The following PASK variants were observed in gnomAD, a reference collection of about 807,000 sequenced individuals.
PASK encodes PAS domain-containing serine/threonine-protein kinase.
In PASK, 110 loss-of-function variants were observed where a neutral mutation model predicts 121.0. That is an observed-to-expected ratio of 0.91 (90% CI 0.78 to 1.06). PASK has a LOEUF of 1.06. Among genes scored for constraint, PASK ranks in the 50% least tolerant of loss-of-function variants. PASK has a pLI of 0.00. For missense variants in PASK, 1,643 were observed against 1,702.3 expected, an observed-to-expected ratio of 0.97 and a Z score of 0.61; for synonymous variants, 686 against 717.8, an observed-to-expected ratio of 0.96 and a Z score of 0.71.
chr2:241,126,544 CACACGA>C lies in PASK; in HGVS notation c.2365_2370del (p.Ser789_Cys790del). 1.2e-6 allele frequency: 2 copies of C among 1,614,232 alleles called. No homozygotes were observed. Among genetic ancestry groups the C allele is most frequent in the Non-Finnish European group, 1.7e-6 (2 of 1,180,016 alleles). ...AGTAACAGCTCCCTGTCATCCAGGA[CACACGA>C]CCCCTGTTCCTGGAGACTGCCTACA... On this transcript the variant is annotated inframe_deletion, in exon 10 of 18. Transcript: ENST00000234040.
intron 9 of PASK, among the ~76,000 whole-genome samples, chr2:241,129,484 A>C (rs2066027133): frequency 6.6e-6 from 1 of 152,222 alleles, no homozygotes; most frequent in Admixed American, 6.5e-5. Context: ...AAGGCCTCTG[A>C]ACACTCAAAC....
chr2:241,128,410 C>T (rs1175818991), intron 9 of PASK, among the ~76,000 whole-genome samples: 1 of 152,218 alleles, frequency 6.6e-6, no homozygotes, highest in Non-Finnish European at 1.5e-5. Flanking sequence ...GAGGCTGCCA[C>T]AGTCCAGACA....
Position 241,106,645 on chromosome 2 carries a change from C to T in PASK, c.3893G>A (p.Cys1298Tyr). Reference protein sequence around the residue: ...LSDVAQAQELCGGPVPGEAPN... With the variant: ...LSDVAQAQELYGGPVPGEAPN... ...AGCCTCGCCTGGAACGGGGCCCCCA[C>T]AAAGCTCCTGAGCCTGGGCCACATC... The change falls in exon 18 of 18, where the codon TGT becomes TAT. Residue 1298 changes from cysteine to tyrosine, a missense_variant. Physicochemically the swap from Cys to Tyr is radical, Grantham distance 194. Transcript: ENST00000234040. 6.2e-7 allele frequency: 1 copy of T among 1,614,240 alleles called. No homozygotes were observed. The highest frequency in any genetic ancestry group is 8.5e-7 in the Non-Finnish European group (1 of 1,180,038).
chr2:241,134,974 C>G (rs1305783560), intron 8 of PASK, among the ~76,000 whole-genome samples: 2 of 152,202 alleles, frequency 1.3e-5, no homozygotes, highest in East Asian at 3.9e-4. Context: ...CCACCCCATG[C>G]TTGTCAACAA....
upstream of PASK, chr2:241,149,647 A>C: frequency 2.6e-6 from 4 of 1,540,906 alleles, no homozygotes; most frequent in South Asian, 3.6e-5. Flanking sequence ...CAAAGGAATA[A>C]TGGGCGCCTC....
At position 241,149,435 on chromosome 2, in the gene PASK, C is replaced by G. The variant is rs1305715204; in HGVS notation, c.-64G>C. On this transcript the variant is annotated 5_prime_UTR_variant, in exon 1 of 18. Coordinates refer to ENST00000234040, the MANE Select transcript of PASK (RefSeq NM_015148.4). ...TCACCTGGATCAGGCGAGGGTCACGCCAAGCCGGCTACACACCACGGAAAG... is the reference window on the plus strand; with the variant it reads ...TCACCTGGATCAGGCGAGGGTCACGGCAAGCCGGCTACACACCACGGAAAG... 3.6e-6 allele frequency: 2 copies of G among 557,598 alleles called. No homozygotes were observed. Among genetic ancestry groups the G allele is most frequent in the African/African-American group, 3.9e-5 (2 of 51,714 alleles). The allele number at this position is 557,598 out of a possible 1,614,324, so 34.5% of individuals were successfully genotyped here. A position where few individuals can be genotyped will look rare whatever the true frequency, so the allele number is the denominator to read the frequency against.
chr2:241,111,986 C>T (rs1203899333), intron 15 of PASK, among the ~76,000 whole-genome samples: 1 of 152,134 alleles, frequency 6.6e-6, no homozygotes, highest in Non-Finnish European at 1.5e-5. Context: ...TTTTTCTTGG[C>T]TTTTTATTAT....
At chr2:241,129,026 CTCCCTCCATGTCTCCCA>C (rs1559381335) in intron 9 of PASK, among the ~76,000 whole-genome samples, 1 of 151,840 alleles carries the variant, frequency 6.6e-6, no homozygotes, top group East Asian at 2.0e-4. Context: ...TCCCGCCTCT[CTCCCTCCATGTCTCCCA>C]TCTCTCTCTC....
chr2:241,127,364 C>G lies in PASK; in HGVS notation c.1551G>C (p.Glu517Asp), dbSNP rs1054788158. 1.2e-6 allele frequency: 2 copies of G among 1,614,000 alleles called. No individual in the cohort carries two copies. The highest frequency in any genetic ancestry group is 1.7e-5 in the Admixed American group (1 of 60,010). Residue 517 changes from glutamate (E) to aspartate (D), a missense_variant, in exon 10 of 18, where the codon GAG becomes GAC. This residue lies in a region of PASK where 1,176 missense variants were observed against 1,162.2 expected (regional missense o/e 1.01). Transcript: ENST00000234040. ...KDQQITALGR[E>D]EPVAIESPGQ... ...CGGGGCTCTCTATTGCCACAGGTTC[C>G]TCTCTCCCCAAGGCAGTGATTTGCT...
chr2:241,133,346 C>T, intron 8 of PASK: 1 of 417,818 alleles, frequency 2.4e-6, no homozygotes, highest in Non-Finnish European at 4.5e-6. Context: ...CGGCCATGGC[C>T]CCCCAACTCT....
At chr2:241,125,916 C>T (rs1426715952) in intron 10 of PASK, among the ~76,000 whole-genome samples, 2 of 152,130 alleles carry the variant, frequency 1.3e-5, no homozygotes, top group African/African-American at 2.4e-5. Context: ...CTGGGAGGAG[C>T]GGCTCTCTAA....
chr2:241,149,848 G>A, upstream of PASK: 1 of 1,479,740 alleles, frequency 6.8e-7, no homozygotes, highest in South Asian at 1.3e-5. Flanking sequence ...ACTTGCAAGG[G>A]GAGCCCAGCT....
intron 12 of PASK, among the ~76,000 whole-genome samples, chr2:241,120,974 T>C (rs1441128453): frequency 6.6e-6 from 1 of 152,204 alleles, no homozygotes; most frequent in African/African-American, 2.4e-5. Flanking sequence ...GTTCATATAA[T>C]GGAATATTAC....
chr2:241,134,677 AGCACCT>A (rs1173281633), intron 8 of PASK: 1 of 152,346 alleles, frequency 6.6e-6, no homozygotes, highest in Non-Finnish European at 1.5e-5. Context: ...CTCGCAAGCC[AGCACCT>A]GCCGACCCGC....
chr2:241,136,651 T>C (rs1250205968), intron 7 of PASK, among the ~76,000 whole-genome samples: 1 of 139,954 alleles, frequency 7.1e-6, no homozygotes, highest in African/African-American at 2.6e-5. Flanking sequence ...CTAACTTAAA[T>C]TTAACGTAAC....
chr2:241,123,741 C>A (rs950103704), intron 11 of PASK, among the ~76,000 whole-genome samples: 1 of 151,796 alleles, frequency 6.6e-6, no homozygotes, highest in African/African-American at 2.4e-5. Context: ...TCACTTGAAC[C>A]CGGGAAGCAG....
At chr2:241,141,166 A>G (rs2066682235) in intron 2 of PASK, among the ~76,000 whole-genome samples, 1 of 152,206 alleles carries the variant, frequency 6.6e-6, no homozygotes, top group Non-Finnish European at 1.5e-5. Context: ...GTGCCCTTGC[A>G]GCCCCATCTA....
Position 241,126,472 on chromosome 2 carries a change from C to T in PASK, c.2443G>A (p.Glu815Lys), listed in dbSNP as rs754967605. The T allele has an allele frequency of 6.2e-7, 1 of 1,614,132 alleles. No individual in the cohort carries two copies. Among genetic ancestry groups the T allele is most frequent in the African/African-American group, 1.3e-5 (1 of 74,948 alleles). The change falls in exon 10 of 18, where the codon GAG (glutamate) becomes AAG (lysine). Residue 815 changes from glutamate to lysine, a missense_variant. Transcript: ENST00000234040. ...VDLGQGRRFR[E>K]SCVGHDPTEP... The stretch of plus-strand genomic sequence containing the variant: ...GTTGGATCATGTCCCACACAGCTCT[C>T]CCGGAACCGTCGGCCTTGGCCAAGG...
Position 241,137,941 on chromosome 2 carries a change from C to A in PASK, c.876+12G>T. ...CACCCCATCACACAGTGCGGGAGGT[C>A]AGGAGCCCTACCTTTGGGATGTGCT... is the stretch of plus-strand genomic sequence containing the variant. On this transcript the variant is annotated intron_variant, in intron 6 of 17. Coordinates refer to ENST00000234040, the MANE Select transcript of PASK (RefSeq NM_015148.4). 1.2e-6 allele frequency: 2 copies of A among 1,614,076 alleles called. No homozygotes were observed. The highest frequency in any genetic ancestry group is 2.7e-5 in the African/African-American group (2 of 75,064).
Sources: gnomAD v4.1 joint callset for allele counts (sites outside exome capture counted in the v4.1 genomes callset) on GRCh38, gnomAD v4.1.1 for gene constraint, gnomAD v4.1.1 regional missense constraint, MANE v1.5 for transcripts, NCBI Gene and HGNC (gene_info 2026-07-23, HGNC 2026-07-21) for gene names.